The following WWOX variants were observed in gnomAD, a reference collection of about 807,000 sequenced individuals.
WWOX encodes WW domain-containing oxidoreductase.
Under a neutral mutation model 46.2 loss-of-function variants are expected in WWOX, and 69 were observed. That is an observed-to-expected ratio of 1.49 (90% CI 1.23 to 1.82). The LOEUF (loss-of-function observed/expected upper bound fraction) is 1.82, where lower values mean the gene tolerates loss of function less well. Among genes scored for constraint, WWOX ranks in the 40% most tolerant of loss-of-function variants. The probability of loss-of-function intolerance (pLI) is 0.00; values close to 1 mark genes in which losing one functional copy is unlikely to be tolerated. For synonymous variants in WWOX, 359 were observed against 202.6 expected, an observed-to-expected ratio of 1.77 and a Z score of -6.56; for missense variants, 919 against 542.6, an observed-to-expected ratio of 1.69 and a Z score of -6.89.
At chr16:78,824,238 T>G (rs1449722798) in intron 8 of WWOX, among the ~76,000 whole-genome samples, 1 of 152,216 alleles carries the variant, frequency 6.6e-6, no homozygotes, top group African/African-American at 2.4e-5. Flanking sequence ...TAGACACATT[T>G]AGATGCTTCA....
chr16:78,866,657 C>T (rs1337840453), intron 8 of WWOX, among the ~76,000 whole-genome samples: 1 of 152,166 alleles, frequency 6.6e-6, no homozygotes, highest in Non-Finnish European at 1.5e-5. Flanking sequence ...GTTTTTGTTG[C>T]CCTGGCTTGC....
intron 8 of WWOX, among the ~76,000 whole-genome samples, chr16:78,597,958 C>G (rs373636169): frequency 6.6e-6 from 1 of 151,990 alleles, no homozygotes; most frequent in East Asian, 1.9e-4. Flanking sequence ...GCGGTATGCC[C>G]TTTAATAGTG....
At chr16:78,930,097 C>A (rs916079475) in intron 8 of WWOX, among the ~76,000 whole-genome samples, 1 of 152,034 alleles carries the variant, frequency 6.6e-6, no homozygotes, top group African/African-American at 2.4e-5. Flanking sequence ...ACTCCTCCTT[C>A]CCTTCCTGCC....
intron 8 of WWOX, among the ~76,000 whole-genome samples, chr16:79,190,253 G>C (rs2051107671): frequency 6.6e-6 from 1 of 152,018 alleles, no homozygotes; most frequent in Admixed American, 6.6e-5. Flanking sequence ...TCGAACTCCT[G>C]ACCTCAAGTG....
intron 8 of WWOX, among the ~76,000 whole-genome samples, chr16:79,006,103 C>G (rs1369308933): frequency 1.3e-5 from 2 of 152,146 alleles, no homozygotes; most frequent in African/African-American, 4.8e-5. Flanking sequence ...GTCCCTGGTC[C>G]AGTGGGGTGA....
At chr16:78,634,114 C>T (rs906648324) in intron 8 of WWOX, among the ~76,000 whole-genome samples, 1 of 152,094 alleles carries the variant, frequency 6.6e-6, no homozygotes, top group Non-Finnish European at 1.5e-5. Context: ...CTATATGACT[C>T]TGTACCAGAG....
At chr16:78,968,936 A>C (rs2046416339) in intron 8 of WWOX, among the ~76,000 whole-genome samples, 1 of 152,030 alleles carries the variant, frequency 6.6e-6, no homozygotes, top group South Asian at 2.1e-4. Flanking sequence ...AAAAAAGACA[A>C]CTTGAAATAG....
At chr16:78,738,913 A>G (rs16948405) in intron 8 of WWOX, among the ~76,000 whole-genome samples, 2 of 151,964 alleles carry the variant, frequency 1.3e-5, no homozygotes, top group Non-Finnish European at 2.9e-5. Context: ...AGTGCTGATC[A>G]TTTGCCTTCA....
chr16:78,278,211 A>G (rs1271139376), intron 5 of WWOX, among the ~76,000 whole-genome samples: 2 of 152,164 alleles, frequency 1.3e-5, no homozygotes, highest in Non-Finnish European at 2.9e-5. Context: ...GAGTGTGTGT[A>G]TGTGTATACA....
At chr16:78,812,509 G>A (rs1236605764) in intron 8 of WWOX, among the ~76,000 whole-genome samples, 3 of 152,038 alleles carry the variant, frequency 2.0e-5, no homozygotes, top group African/African-American at 7.2e-5. Flanking sequence ...ATCACCTGAG[G>A]TCAGGAGTTC....
At chr16:78,206,506 A>C (rs1206235921) in intron 5 of WWOX, among the ~76,000 whole-genome samples, 1 of 152,188 alleles carries the variant, frequency 6.6e-6, no homozygotes, top group Non-Finnish European at 1.5e-5. Flanking sequence ...GAAGTTTCTA[A>C]GCTGATGCTG....
intron 5 of WWOX, among the ~76,000 whole-genome samples, chr16:78,253,958 C>T (rs1239276482): frequency 2.0e-5 from 3 of 152,122 alleles, no homozygotes; most frequent in South Asian, 2.1e-4. Flanking sequence ...TGAGTGCAAC[C>T]GGGAAGCTCA....
intron 5 of WWOX, among the ~76,000 whole-genome samples, chr16:78,361,151 A>C (rs1043456237): frequency 2.7e-5 from 4 of 149,562 alleles, no homozygotes; most frequent in Admixed American, 6.6e-5. Context: ...ATAGTTGCTT[A>C]CTTATTTCCT....
chr16:78,531,456 T>G (rs2043618737), intron 8 of WWOX, among the ~76,000 whole-genome samples: 1 of 152,218 alleles, frequency 6.6e-6, no homozygotes, highest in South Asian at 2.1e-4. Context: ...TCTCTAATAC[T>G]TTATTATGTC....
At chr16:78,509,930 A>G (rs2085317149) in intron 8 of WWOX, among the ~76,000 whole-genome samples, 1 of 151,522 alleles carries the variant, frequency 6.6e-6, no homozygotes, top group African/African-American at 2.4e-5. Flanking sequence ...TCTTTAAAAA[A>G]AAAAAAAAAA....
Position 78,823,266 on chromosome 16 carries a change from C to A in WWOX, c.1057-388342C>A, listed in dbSNP as rs538629712. On this transcript the variant is annotated intron_variant, in intron 8 of 8. Coordinates refer to ENST00000566780, the MANE Select transcript of WWOX (RefSeq NM_016373.4). ...AATGATGCTGGCAGATGTTTGCATT[C>A]TGCAGCTGGGGCGGCTGGCGGGTTG... 2.0e-5 allele frequency among the ~76,000 whole-genome samples: 3 copies of A among 152,330 alleles called. No homozygotes were observed. The South Asian group carries it at 6.2e-4, about 32-fold the overall frequency.
At chr16:78,182,057 C>T (rs2035547645) in intron 5 of WWOX, among the ~76,000 whole-genome samples, 1 of 152,114 alleles carries the variant, frequency 6.6e-6, no homozygotes, top group Non-Finnish European at 1.5e-5. Context: ...GTTATGGGGG[C>T]CTAAGCAACG....
intron 6 of WWOX, among the ~76,000 whole-genome samples, chr16:78,422,281 TTA>T (rs2151957502): frequency 6.6e-6 from 1 of 152,258 alleles, no homozygotes; most frequent in African/African-American, 2.4e-5. Flanking sequence ...ATAAAGATTT[TTA>T]TGTTTCCCTT....
At chr16:78,651,934 G>T (rs188575940) in intron 8 of WWOX, among the ~76,000 whole-genome samples, 67 of 152,224 alleles carry the variant, frequency 4.4e-4, no homozygotes, top group African/African-American at 1.6e-3. Flanking sequence ...AAATGCAATG[G>T]CAGGCACAGG....
Sources: allele counts gnomAD v4.1 joint callset (sites outside exome capture counted in the v4.1 genomes callset), GRCh38; gene constraint gnomAD v4.1.1; transcripts MANE v1.5; gene names NCBI Gene and HGNC (gene_info 2026-07-23, HGNC 2026-07-21).